AIDA: variants seen among roughly 807,000 people sequenced by gnomAD.
The protein encoded by AIDA is axin interactor, dorsalization associated.
AIDA carries 18 observed loss-of-function variants against 42.7 expected under a neutral mutation model. The ratio of observed to expected loss-of-function variants is 0.42; its 90% CI spans 0.29 to 0.63. The LOEUF is 0.63. Ranked by LOEUF, AIDA falls within the 20% of genes least tolerant of loss-of-function variation. The pLI is 0.19. For missense variants in AIDA, 250 were observed against 354.1 expected (o/e 0.71, Z 2.36); for synonymous variants, 104 against 122.9 (o/e 0.85, Z 1.02).
At chr1:222,704,532 G>A (rs139832686) in intron 1 of AIDA, among the ~76,000 whole-genome samples, 29 of 152,226 alleles carry the variant, frequency 1.9e-4, no homozygotes, top group African/African-American at 6.7e-4. Context: ...AAAACATTAT[G>A]CTAAATGAAA....
At chr1:222,694,081 GAATTTAATAGATGTTGTTATAAA>G in intron 3 of AIDA, 106 bp downstream of exon 3, 3 of 896,946 alleles carry the variant, frequency 3.3e-6, no homozygotes, top group Non-Finnish European at 5.1e-6. Context: ...AAAAAAGTAT[GAATTTAATAGATGTTGTTATAAA>G]ACACTTCTGA....
chr1:222,711,000 A>T (rs1286283942), intron 1 of AIDA, among the ~76,000 whole-genome samples: 1 of 151,884 alleles, frequency 6.6e-6, no homozygotes, highest in South Asian at 2.1e-4. Context: ...ATAGATAAAA[A>T]CAAATAACTA....
rs2270708 is a variant in AIDA, at chr1:222,676,193, C to T, written c.486G>A (p.Ser162=). ...TAGTGAGTAATGTCATTCCTGGTTC[C>T]GATGGCAACCTTGGTAATAAAGTAC... ...VPGTLLPRLP[S]EPGMTLLTIR... Residue 162 remains serine, a synonymous_variant, in exon 7 of 10, where the codon TCG becomes TCA. Coordinates refer to ENST00000340020, the MANE Select transcript of AIDA (RefSeq NM_022831.4). The T allele has an allele frequency of 2.1e-5, 34 of 1,610,896 alleles. No individual in the cohort carries two copies. In the East Asian group the frequency reaches 3.3e-4, roughly 16 times the overall value.
intron 2 of AIDA, among the ~76,000 whole-genome samples, chr1:222,696,877 G>C (rs928362136): frequency 1.3e-5 from 2 of 151,988 alleles, no homozygotes; most frequent in Non-Finnish European, 2.9e-5. Flanking sequence ...ACAACTATGA[G>C]TCCACCAATA....
chr1:222,690,986 CAAT>C (rs1001070085), intron 4 of AIDA, among the ~76,000 whole-genome samples: 1 of 152,076 alleles, frequency 6.6e-6, no homozygotes, highest in Non-Finnish European at 1.5e-5. Context: ...TCAGAAAAAG[CAAT>C]AAGCCAACAA....
intron 1 of AIDA, among the ~76,000 whole-genome samples, chr1:222,710,968 C>T (rs780178236): frequency 1.3e-5 from 2 of 152,056 alleles, no homozygotes; most frequent in Admixed American, 6.6e-5. Flanking sequence ...AAAGTCAGTA[C>T]CTACACATTT....
At chr1:222,706,203 C>G (rs1655834253) in intron 1 of AIDA, among the ~76,000 whole-genome samples, 1 of 152,078 alleles carries the variant, frequency 6.6e-6, no homozygotes, top group African/African-American at 2.4e-5. Flanking sequence ...AGACTGGAAC[C>G]CTCCTGCACT....
rs779739912 is a variant in AIDA at position 222,712,171 on chromosome 1, G to A, written c.110+37C>T. The stretch of plus-strand genomic sequence containing the variant: ...GAAACAAGGGAGAGGCGCACGACTG[G>A]AGCCGGTCTGGCCTGCTCCCGCGGT... On this transcript the variant is annotated intron_variant, in intron 1 of 9. Transcript: ENST00000340020. The A allele has an allele frequency of 1.4e-5, 22 of 1,562,960 alleles. No homozygotes were observed. The Admixed American group carries it at 3.2e-4, about 23-fold the overall frequency.
At chr1:222,705,535 C>T (rs1215774179) in intron 1 of AIDA, among the ~76,000 whole-genome samples, 3 of 152,200 alleles carry the variant, frequency 2.0e-5, no homozygotes, top group South Asian at 4.1e-4. Flanking sequence ...CCTGTTCAAC[C>T]GCTAATTGGC....
At chr1:222,711,479 T>A (rs1374127525) in intron 1 of AIDA, 2 of 152,234 alleles carry the variant, frequency 1.3e-5, no homozygotes, top group African/African-American at 4.8e-5. Flanking sequence ...TTTTGCTCTC[T>A]TCGGTTCACA....
intron 9 of AIDA, 69 bp downstream of exon 9, chr1:222,670,063 TG>T (rs1211590187): frequency 6.2e-7 from 1 of 1,607,862 alleles, no homozygotes; most frequent in African/African-American, 1.3e-5. Context: ...ATACTGGATA[TG>T]GGGGATTCAG....
intron 6 of AIDA, among the ~76,000 whole-genome samples, chr1:222,676,930 A>AC (rs951203575): frequency 1.1e-3 from 167 of 151,536 alleles, no homozygotes; most frequent in Non-Finnish European, 2.1e-3. Flanking sequence ...AACCACAAAA[A>AC]AAAACAAACA....
At chr1:222,706,381 G>A (rs1655837744) in intron 1 of AIDA, among the ~76,000 whole-genome samples, 1 of 152,026 alleles carries the variant, frequency 6.6e-6, no homozygotes, top group Non-Finnish European at 1.5e-5. Context: ...GAATGTTCAG[G>A]GCAGTATTAC....
chr1:222,671,047 A>G lies in AIDA; in HGVS notation c.707-797T>C, dbSNP rs114809640. Among the ~76,000 whole-genome samples, 481 of 151,960 alleles carry G rather than the reference A, an allele frequency of 3.2e-3. 3 individuals carry two copies. Among genetic ancestry groups the G allele is most frequent in the African/African-American group, 0.011 (467 of 41,442 alleles). On this transcript the variant is annotated intron_variant, in intron 8 of 9. Coordinates refer to ENST00000340020, the MANE Select transcript of AIDA (RefSeq NM_022831.4). ...CAGCCTGGGCAACAAGGGGGTGGTA[A>G]GACCCCACCTCTACAAAAAAAATTT...
intron 1 of AIDA, 54 bp downstream of exon 1, chr1:222,712,154 G>T: frequency 6.4e-7 from 1 of 1,552,170 alleles, no homozygotes; most frequent in South Asian, 1.2e-5. Flanking sequence ...CAGAAACAAG[G>T]GAGAGGCGCA....
chr1:222,691,252 A>G (rs1408165820), intron 4 of AIDA, among the ~76,000 whole-genome samples: 2 of 152,224 alleles, frequency 1.3e-5, no homozygotes, highest in Non-Finnish European at 2.9e-5. Flanking sequence ...GAAACTAGTC[A>G]GGCTTATTCA....
At chr1:222,691,384 A>G (rs551952735) in intron 4 of AIDA, among the ~76,000 whole-genome samples, 1 of 152,356 alleles carries the variant, frequency 6.6e-6, no homozygotes, top group Admixed American at 6.5e-5. Context: ...CAACATTCAC[A>G]TAGCCACTCT....
rs1558211746 is a variant in AIDA, at chr1:222,689,524, C to CAT, written c.290-1867_290-1866insAT. On this transcript the variant is annotated intron_variant, in intron 4 of 9. Transcript: ENST00000340020. ...ATATATATATATATATATATATACACACATACACACACACACATATATATA... is the reference window on the plus strand; with the variant it reads ...ATATATATATATATATATATATACACATACATACACACACACACATATATATA... Among the ~76,000 whole-genome samples the CAT allele has an allele frequency of 3.2e-3, 224 of 69,614 alleles. 6 individuals are homozygous for CAT. Among genetic ancestry groups the CAT allele is most frequent in the Non-Finnish European group, 5.0e-3 (155 of 30,964 alleles). The allele number at this position is 69,614 out of a possible 152,430, so 45.7% of individuals were successfully genotyped here.
At chr1:222,689,738 T>C (rs1406209613) in intron 4 of AIDA, among the ~76,000 whole-genome samples, 4 of 151,618 alleles carry the variant, frequency 2.6e-5, no homozygotes, top group Non-Finnish European at 5.9e-5. Flanking sequence ...CTAAGGTTAA[T>C]TTATTATTAA....
Sources: allele counts gnomAD v4.1 joint callset (sites outside exome capture counted in the v4.1 genomes callset), GRCh38; gene constraint gnomAD v4.1.1; transcripts MANE v1.5; gene names NCBI Gene and HGNC (gene_info 2026-07-23, HGNC 2026-07-21).